GATA3: variants seen among roughly 807,000 people sequenced by gnomAD.
GATA3 encodes the protein GATA binding protein 3, also known as trans-acting T-cell-specific transcription factor GATA-3.
In GATA3, 6 loss-of-function variants were observed where a neutral mutation model predicts 36.0. The ratio of observed to expected loss-of-function variants is 0.17; its 90% confidence interval spans 0.09 to 0.33. The LOEUF (loss-of-function observed/expected upper bound fraction) is 0.33. GATA3 is among the 10% of genes least tolerant of loss of function. The pLI is 1.00. For missense variants in GATA3, 514 were observed against 610.1 expected, an observed-to-expected ratio of 0.84 and a Z score of 1.66; for synonymous variants, 326 against 273.0, an observed-to-expected ratio of 1.19 and a Z score of -1.92.
At chr10:8,059,671 C>T (rs1832715895) in intron 3 of GATA3, among the ~76,000 whole-genome samples, 1 of 152,190 alleles carries the variant, frequency 6.6e-6, no homozygotes, top group Non-Finnish European at 1.5e-5. Flanking sequence ...CAAACGCTGC[C>T]TAGCAGCACG....
chr10:8,068,568 A>T (rs1467628664), intron 4 of GATA3, among the ~76,000 whole-genome samples: 2 of 152,212 alleles, frequency 1.3e-5, no homozygotes, highest in African/African-American at 2.4e-5. Context: ...CCTGGCCAAC[A>T]TAGTAAAACC....
Position 8,058,818 on chromosome 10 carries a change from G to A in GATA3, c.755G>A (p.Arg252Lys), listed in dbSNP as rs752589783. ...GSPTGFGCKS[R>K]PKARSSTEGR... ...CCCACCGGCTTCGGATGCAAGTCCA[G>A]GCCCAAGGCCCGGTCCAGCACAGGT... Residue 252 changes from arginine (R) to lysine (K), a missense_variant, in exon 3 of 6, where the codon AGG becomes AAG. Arg to Lys is a conservative substitution (Grantham distance 26). Coordinates refer to ENST00000379328, the MANE Select transcript of GATA3 (RefSeq NM_001002295.2). The A allele has an allele frequency of 6.9e-6, 11 of 1,605,292 alleles. No homozygotes were observed. In the South Asian group the frequency reaches 1.2e-4, roughly 18 times the overall value.
upstream of GATA3, chr10:8,052,695 C>T (rs1314998516): frequency 2.0e-5 from 3 of 152,138 alleles, no homozygotes; most frequent in African/African-American, 7.2e-5. Context: ...ATTCGTTTCT[C>T]CTTGTTTATG....
Position 8,055,205 on chromosome 10 carries a change from G to A in GATA3, c.-369-82G>A. On this transcript the variant is annotated intron_variant, in intron 1 of 5. Coordinates refer to ENST00000379328, the MANE Select transcript of GATA3 (RefSeq NM_001002295.2). The surrounding 1 kb of genome is among the most constrained non-coding windows in gnomAD (Gnocchi z 5.4). ...TCCCGTGCGGGTCTCGGGTGCGCTG[G>A]GCGGGCGGGCGGCGCGAGGGGAGGT... is the stretch of plus-strand genomic sequence containing the variant. The A allele has an allele frequency of 3.7e-6, 1 of 267,074 alleles. No homozygotes were observed. The highest frequency in any genetic ancestry group is 6.3e-5 in the East Asian group (1 of 15,920). The allele number at this position is 267,074 out of a possible 1,614,324, so 16.5% of individuals were successfully genotyped here. A position where few individuals can be genotyped will look rare whatever the true frequency, so the allele number is the denominator to read the frequency against.
chr10:8,067,614 A>C lies in GATA3; in HGVS notation c.925-1859A>C, dbSNP rs12778032. On this transcript the variant is annotated intron_variant, in intron 4 of 5. Transcript: ENST00000379328. The stretch of plus-strand genomic sequence containing the variant: ...CGGGTAGATCATGAGGTCAGGAGAT[A>C]GAGACCATCCTGGCTAACACAGGTG... Among the ~76,000 whole-genome samples, 517 of 152,178 alleles carry C rather than the reference A, an allele frequency of 3.4e-3. 2 individuals carry two copies. The highest frequency in any genetic ancestry group is 6.8e-3 in the Middle Eastern group (2 of 294).
intron 3 of GATA3, among the ~76,000 whole-genome samples, chr10:8,060,237 TA>T (rs1413386391): frequency 1.3e-5 from 2 of 152,228 alleles, no homozygotes; most frequent in Non-Finnish European, 2.9e-5. Flanking sequence ...CCAGGAACTT[TA>T]ATAGAGTCCG....
At chr10:8,069,833 T>C (rs1832902847) in intron 5 of GATA3, among the ~76,000 whole-genome samples, 1 of 151,798 alleles carries the variant, frequency 6.6e-6, no homozygotes, top group Non-Finnish European at 1.5e-5. Flanking sequence ...CATTGGACAC[T>C]CCACATACCA....
chr10:8,069,530 C>T lies in GATA3; in HGVS notation c.982C>T (p.Leu328Phe), dbSNP rs2131511940. 1 of 1,614,104 alleles carries T rather than the reference C, an allele frequency of 6.2e-7. No individual in the cohort carries two copies. The highest frequency in any genetic ancestry group is 8.5e-7 in the Non-Finnish European group (1 of 1,179,986). Residue 328 changes from leucine (L) to phenylalanine (F), a missense_variant, in exon 5 of 6, where the codon CTC becomes TTC. Leu to Phe is a conservative substitution (Grantham distance 22). This residue lies in a region of GATA3 where 44 missense variants were observed against 151.5 expected (regional missense o/e 0.29). Transcript: ENST00000379328. Reference sequence around the variant, plus strand: ...GAACTGTCAGACCACCACAACCACACTCTGGAGGAGGAATGCCAATGGGGA... The same window carrying T: ...GAACTGTCAGACCACCACAACCACATTCTGGAGGAGGAATGCCAATGGGGA... ...CANCQTTTTT[L>F]WRRNANGDPV...
chr10:8,050,962 G>T, upstream of GATA3: 1 of 480,726 alleles, frequency 2.1e-6, no homozygotes, highest in East Asian at 6.4e-5. Flanking sequence ...GCCCCGCGGA[G>T]CTCGCCTGGA....
intron 3 of GATA3, among the ~76,000 whole-genome samples, chr10:8,061,823 G>C (rs1016988516): frequency 2.0e-5 from 3 of 152,174 alleles, no homozygotes; most frequent in Non-Finnish European, 4.4e-5. Context: ...CCAGCACCAG[G>C]GTGCCCAGGA....
chr10:8,062,487 A>G (rs1161202128), intron 3 of GATA3, among the ~76,000 whole-genome samples: 1 of 151,890 alleles, frequency 6.6e-6, no homozygotes, highest in Non-Finnish European at 1.5e-5. Flanking sequence ...TTACCCCTGG[A>G]GAGTATCACA....
chr10:8,049,178 CA>C (rs1180306100), upstream of GATA3, among the ~76,000 whole-genome samples: 1 of 149,296 alleles, frequency 6.7e-6, no homozygotes, highest in African/African-American at 2.5e-5. Context: ...ATACCATCCC[CA>C]AAACGATAGC....
chr10:8,046,156 A>G (rs1406576494), intron 1 of GATA3, among the ~76,000 whole-genome samples: 1 of 152,190 alleles, frequency 6.6e-6, no homozygotes, highest in Admixed American at 6.5e-5. Context: ...AGGGGCAGAG[A>G]GGACAAGATT....
upstream of GATA3, chr10:8,053,789 C>T (rs1476076153): frequency 6.6e-6 from 1 of 152,238 alleles, no homozygotes. This position sits in a 1 kb window ranked among gnomAD's most constrained non-coding sequence, Gnocchi z 5.1. Context: ...GTAAGTAGGG[C>T]TCCGGGCGGG....
intron 4 of GATA3, 37 bp downstream of exon 4, chr10:8,064,175 A>G (rs1361222357): frequency 6.2e-7 from 1 of 1,613,504 alleles, no homozygotes; most frequent in Non-Finnish European, 8.5e-7. Context: ...CATGCTGACC[A>G]TTCTGGGTTT....
intron 2 of GATA3, 113 bp downstream of exon 2, chr10:8,056,009 C>T (rs978341178): frequency 2.2e-6 from 3 of 1,391,600 alleles, no homozygotes; most frequent in African/African-American, 2.9e-5. Flanking sequence ...CCCCATCTGC[C>T]GTTCCTGGTT....
chr10:8,067,927 T>A (rs1588387558), intron 4 of GATA3, among the ~76,000 whole-genome samples: 3 of 152,370 alleles, frequency 2.0e-5, no homozygotes, highest in Middle Eastern at 6.8e-3. Context: ...CAGAATTTTC[T>A]TCATCACAGA....
Position 8,074,338 on chromosome 10 carries a change from T to A in GATA3, c.*315T>A. 1 of 350,682 alleles carries A rather than the reference T, an allele frequency of 2.9e-6. No individual in the cohort carries two copies. The highest frequency in any genetic ancestry group is 5.2e-6 in the Non-Finnish European group (1 of 193,156). 21.7% of individuals were successfully genotyped at this position (350,682 alleles called of 1,614,324 possible). A position where few individuals can be genotyped will look rare whatever the true frequency, so the allele number is the denominator to read the frequency against. ...ATTGTAAGAAATACTGTACAATGAC[T>A]TTATTGCATCTGGGTAGCTGTAAGG... On this transcript the variant is annotated 3_prime_UTR_variant, in exon 6 of 6. Transcript: ENST00000379328.
chr10:8,046,648 AGTGTGTGTGT>A lies in GATA3; in HGVS notation c.-370+1168_-370+1177del, dbSNP rs55947422. Among the ~76,000 whole-genome samples the A allele has an allele frequency of 3.5e-3, 479 of 137,864 alleles. 3 individuals are homozygous for A. The highest frequency in any genetic ancestry group is 0.012 in the African/African-American group (430 of 36,188). The allele number at this position is 137,864 out of a possible 152,430, so 90.4% of individuals were successfully genotyped here. A position where few individuals can be genotyped will look rare whatever the true frequency, so the allele number is the denominator to read the frequency against. Reference sequence around the variant, plus strand: ...ATGCTTGGGGGCCCAAATGGCTGGCAGTGTGTGTGTGTGTGTGTGTGTGTGTGTGTGTGTG... The same window carrying A: ...ATGCTTGGGGGCCCAAATGGCTGGCAGTGTGTGTGTGTGTGTGTGTGTGTG... On this transcript the variant is annotated intron_variant, in intron 1 of 1. Transcript: ENST00000643001.
Sources: allele counts gnomAD v4.1 joint callset (sites outside exome capture counted in the v4.1 genomes callset), GRCh38; gene constraint gnomAD v4.1.1; regional missense constraint gnomAD v4.1.1; non-coding constraint Gnocchi (gnomAD v3.1); transcripts MANE v1.5; gene names NCBI Gene and HGNC (gene_info 2026-07-23, HGNC 2026-07-21).